The following DMXL2 variants were observed in gnomAD, a reference collection of about 807,000 sequenced individuals.
DMXL2 encodes Dmx like 2, also known as dmX-like protein 2.
Under a neutral mutation model 331.1 loss-of-function variants are expected in DMXL2, and 103 were observed. The observed-to-expected ratio is 0.31, with a 90% confidence interval of 0.27 to 0.37. The LOEUF is 0.37. Among genes scored for constraint, DMXL2 ranks in the 10% least tolerant of loss-of-function variants. The pLI is 1.00. For missense variants in DMXL2, 3,171 were observed against 3,642.9 expected (o/e 0.87, Z 3.33); for synonymous variants, 1,281 against 1,252.1 (o/e 1.02, Z -0.49).
At position 51,447,796 on chromosome 15, in the gene DMXL2, C is replaced by CAAAT. The variant is rs2038810383; in HGVS notation, c.*1184_*1187dup. On this transcript the variant is annotated 3_prime_UTR_variant, in exon 44 of 44. Transcript: ENST00000560891. ...AACAGTATCAAACTAAAAACTCTAA[C>CAAAT]AAATAACATTTATTTTTCTTTTACA... The CAAAT allele has an allele frequency of 6.6e-6, 1 of 152,602 alleles. No individual in the cohort carries two copies. The highest frequency in any genetic ancestry group is 2.4e-5 in the African/African-American group (1 of 41,444). 9.5% of individuals were successfully genotyped at this position (152,602 alleles called of 1,614,324 possible).
At chr15:51,574,230 G>C (rs542677829) in intron 2 of DMXL2, among the ~76,000 whole-genome samples, 1 of 152,002 alleles carries the variant, frequency 6.6e-6, no homozygotes, top group African/African-American at 2.4e-5. Flanking sequence ...TCACATACCT[G>C]GTAAGAAAAG....
At chr15:51,475,382 TA>T (rs2041486575) in intron 27 of DMXL2, among the ~76,000 whole-genome samples, 1 of 152,080 alleles carries the variant, frequency 6.6e-6, no homozygotes, top group South Asian at 2.1e-4. Flanking sequence ...TAGTCCCAGC[TA>T]CTCAGGAGGC....
Position 51,450,219 on chromosome 15 carries a change from C to A in DMXL2, c.8877G>T (p.Thr2959=). 1 of 1,614,052 alleles carries A rather than the reference C, an allele frequency of 6.2e-7. No homozygotes were observed. Among genetic ancestry groups the A allele is most frequent in the Non-Finnish European group, 8.5e-7 (1 of 1,179,976 alleles). The stretch of plus-strand genomic sequence containing the variant: ...TAATAGCTGAGTCATGGGCCTGGAA[C>A]GTGTGAATGAGCTGCCTTTGCCTGA... ...FDIRQRQLIH[T]FQAHDSAIKA... is the part of the protein sequence containing the mutation. The change falls in exon 43 of 44, where the codon ACG becomes ACT. Residue 2959 remains threonine (T), a synonymous_variant. Coordinates refer to ENST00000560891, the MANE Select transcript of DMXL2 (RefSeq NM_001378457.1).
At chr15:51,467,864 C>G (rs748150446) in intron 29 of DMXL2, among the ~76,000 whole-genome samples, 3 of 151,918 alleles carry the variant, frequency 2.0e-5, no homozygotes, top group Non-Finnish European at 4.4e-5. Context: ...GTAGCTGGGA[C>G]TACAGGCACC....
intron 1 of DMXL2, among the ~76,000 whole-genome samples, chr15:51,586,229 G>T (rs2051813790): frequency 6.6e-6 from 1 of 152,196 alleles, no homozygotes; most frequent in Admixed American, 6.5e-5. Context: ...ACGACTGCTT[G>T]TGTGGTAATC....
intron 1 of DMXL2, 45 bp from the exon 2 acceptor site, chr15:51,576,226 T>A (rs1595584635): frequency 7.9e-7 from 1 of 1,271,182 alleles, no homozygotes; most frequent in Non-Finnish European, 1.0e-6. Context: ...ATAAGATATG[T>A]AACTTTTGAA....
At chr15:51,509,041 T>C (rs1024132863) in intron 15 of DMXL2, among the ~76,000 whole-genome samples, 2 of 152,178 alleles carry the variant, frequency 1.3e-5, no homozygotes, top group Non-Finnish European at 2.9e-5. Context: ...AATTTTTTTT[T>C]CTGGTATGAT....
Position 51,621,732 on chromosome 15 carries a change from T to C in DMXL2, c.87+727A>G, listed in dbSNP as rs1224195508. The stretch of plus-strand genomic sequence containing the variant: ...CAAGCACTGTTGTAAATTTTTCACA[T>C]TGCCTTACTATATTAAAAAAAAGGC... On this transcript the variant is annotated intron_variant, in intron 1 of 43. Coordinates refer to ENST00000560891, the MANE Select transcript of DMXL2 (RefSeq NM_001378457.1). 8.0e-5 allele frequency among the ~76,000 whole-genome samples: 12 copies of C among 149,566 alleles called. 1 individual carries two copies. The highest frequency in any genetic ancestry group is 7.3e-4 in the Admixed American group (11 of 15,120).
At chr15:51,531,258 G>C (rs1177686660) in intron 13 of DMXL2, among the ~76,000 whole-genome samples, 1 of 152,038 alleles carries the variant, frequency 6.6e-6, no homozygotes, top group Non-Finnish European at 1.5e-5. Flanking sequence ...TTTTGACAAA[G>C]GTGCCAAGAA....
intron 1 of DMXL2, among the ~76,000 whole-genome samples, chr15:51,606,281 C>T (rs547828131): frequency 1.8e-4 from 28 of 152,228 alleles, no homozygotes; most frequent in Admixed American, 1.8e-3. Context: ...GATCTCAGCT[C>T]ACTGCAACCT....
chr15:51,554,250 A>C (rs902012012), intron 6 of DMXL2, among the ~76,000 whole-genome samples: 1 of 152,190 alleles, frequency 6.6e-6, no homozygotes, highest in African/African-American at 2.4e-5. Flanking sequence ...TTGTTAAGTC[A>C]AAGGAATGAC....
At chr15:51,468,056 C>T (rs1049608328) in intron 29 of DMXL2, among the ~76,000 whole-genome samples, 2 of 152,116 alleles carry the variant, frequency 1.3e-5, no homozygotes. Context: ...AAATAATCTG[C>T]TCATGAACAA....
intron 6 of DMXL2, among the ~76,000 whole-genome samples, chr15:51,551,237 G>A (rs931514009): frequency 2.6e-5 from 4 of 151,960 alleles, no homozygotes; most frequent in Non-Finnish European, 5.9e-5. Flanking sequence ...AGACACATTT[G>A]CTTAACCTCC....
At position 51,481,746 on chromosome 15, in the gene DMXL2, T is replaced by C. The variant is rs2042027497; in HGVS notation, c.5483-123A>G. On this transcript the variant is annotated intron_variant, in intron 23 of 43. Coordinates refer to ENST00000560891, the MANE Select transcript of DMXL2 (RefSeq NM_001378457.1). ...CATGTAAATATTAACCTACGATAGGTTACACTATGGCATATACAATCATTA... is the reference window on the plus strand; with the variant it reads ...CATGTAAATATTAACCTACGATAGGCTACACTATGGCATATACAATCATTA... 6 of 897,008 alleles carry C rather than the reference T, an allele frequency of 6.7e-6. No homozygotes were observed. In the Admixed American group the frequency reaches 1.5e-4, roughly 23 times the overall value. 55.6% of individuals were successfully genotyped at this position (897,008 alleles called of 1,614,324 possible). A position where few individuals can be genotyped will look rare whatever the true frequency, so the allele number is the denominator to read the frequency against.
intron 6 of DMXL2, among the ~76,000 whole-genome samples, chr15:51,558,483 C>T (rs2049742332): frequency 6.6e-6 from 1 of 152,126 alleles, no homozygotes; most frequent in Admixed American, 6.5e-5. Flanking sequence ...TTGTCTCTAA[C>T]AGAATCAAAG....
In DMXL2 at chr15:51,545,751, A is replaced by G. The variant is rs765179003; in HGVS notation, c.762T>C (p.Asn254=). 1 of 1,609,934 alleles carries G rather than the reference A, an allele frequency of 6.2e-7. No homozygotes were observed. Among genetic ancestry groups the G allele is most frequent in the South Asian group, 1.1e-5 (1 of 90,632 alleles). The change falls in exon 8 of 44, where the codon AAT becomes AAC. Residue 254 remains asparagine, a synonymous_variant. Coordinates refer to ENST00000560891, the MANE Select transcript of DMXL2 (RefSeq NM_001378457.1). The stretch of plus-strand genomic sequence containing the variant: ...CATCATGACATGAAGTTAACAACAC[A>G]TTACAGACAGAACCCCTAACAACAA... ...SKYMPRGSVC[N]VLLTSCHDGV...
chr15:51,615,855 C>G (rs11633713), intron 1 of DMXL2, among the ~76,000 whole-genome samples: 1 of 152,066 alleles, frequency 6.6e-6, no homozygotes, highest in Admixed American at 6.5e-5. Flanking sequence ...CTACAGCTAA[C>G]GGATGAGCTA....
At chr15:51,589,625 T>G (rs1412947126) in intron 1 of DMXL2, among the ~76,000 whole-genome samples, 2 of 152,220 alleles carry the variant, frequency 1.3e-5, no homozygotes, top group Non-Finnish European at 2.9e-5. Context: ...TTACTAAAGT[T>G]ATCTGTGATT....
chr15:51,489,559 T>C (rs1055407702), intron 20 of DMXL2, among the ~76,000 whole-genome samples: 12 of 151,752 alleles, frequency 7.9e-5, no homozygotes, highest in African/African-American at 2.9e-4. Context: ...TGGAGGCTGG[T>C]TGGGAGAATT....
Sources: allele counts gnomAD v4.1 joint callset (sites outside exome capture counted in the v4.1 genomes callset), GRCh38; gene constraint gnomAD v4.1.1; transcripts MANE v1.5; gene names NCBI Gene and HGNC (gene_info 2026-07-23, HGNC 2026-07-21).